CDKL1: variants seen among roughly 807,000 people sequenced by gnomAD.
CDKL1 encodes cyclin dependent kinase like 1.
CDKL1 carries 41 observed loss-of-function variants against 42.0 expected under a neutral mutation model. The observed-to-expected ratio is 0.98, with a 90% CI of 0.76 to 1.27. The LOEUF (loss-of-function observed/expected upper bound fraction) is 1.27, where lower values mean the gene tolerates loss of function less well. Among genes scored for constraint, CDKL1 ranks in the 50% most tolerant of loss-of-function variants. CDKL1 has a pLI of 0.00. For missense variants in CDKL1, 394 were observed against 428.4 expected, an observed-to-expected ratio of 0.92 and a Z score of 0.71; for synonymous variants, 153 against 158.6, an observed-to-expected ratio of 0.96 and a Z score of 0.26.
Position 50,327,268 on chromosome 14 carries a change from G to A in CDKL1, c.*2806C>T, listed in dbSNP as rs942215581. The A allele has an allele frequency of 2.0e-5, 3 of 150,920 alleles. No homozygotes were observed. The highest frequency in any genetic ancestry group is 4.0e-4 in the East Asian group (2 of 5,048). The allele number at this position is 150,920 out of a possible 1,614,324, so 9.3% of individuals were successfully genotyped here. ...GAGGATCAGTTGAGCCCGGGAAGTC[G>A]AGGCTGCAGTGAGCCATGTTGGCAC... On this transcript the variant is annotated 3_prime_UTR_variant, in exon 10 of 10. Coordinates refer to ENST00000395834, the MANE Select transcript of CDKL1 (RefSeq NM_004196.7).
Position 50,340,288 on chromosome 14 carries a change from T to A in CDKL1, c.655+744A>T, listed in dbSNP as rs11570844. 2.3e-3 allele frequency among the ~76,000 whole-genome samples: 354 copies of A among 152,304 alleles called. 1 individual carries two copies. The Middle Eastern group carries it at 0.065, about 28-fold the overall frequency. Reference sequence around the variant, plus strand: ...AGAAATATAAGACGTGGTCTCACCATCAGGAAGTTTACAGTATCTTTGGGA... The same window carrying A: ...AGAAATATAAGACGTGGTCTCACCAACAGGAAGTTTACAGTATCTTTGGGA... On this transcript the variant is annotated intron_variant, in intron 6 of 9. Transcript: ENST00000395834.
At chr14:50,350,044 G>A (rs2033853306) in intron 3 of CDKL1, among the ~76,000 whole-genome samples, 1 of 152,112 alleles carries the variant, frequency 6.6e-6, no homozygotes, top group South Asian at 2.1e-4. Flanking sequence ...CTCCCAAAGT[G>A]CTGGGATTAC....
rs1318122669 is a variant in CDKL1 at position 50,335,679 on chromosome 14, C to A, written c.739-1058G>T. Reference sequence around the variant, plus strand: ...GAAAATAAGAGCCAGCCAAGCTGAGCAAAATAAGTGACTGCAGTGCATTGT... The same window carrying A: ...GAAAATAAGAGCCAGCCAAGCTGAGAAAAATAAGTGACTGCAGTGCATTGT... On this transcript the variant is annotated intron_variant, in intron 7 of 9. Coordinates refer to ENST00000395834, the MANE Select transcript of CDKL1 (RefSeq NM_004196.7). 2.0e-6 allele frequency: 3 copies of A among 1,487,112 alleles called. No individual in the cohort carries two copies. In the African/African-American group the frequency reaches 4.2e-5, roughly 21 times the overall value. 92.1% of individuals were successfully genotyped at this position (1,487,112 alleles called of 1,614,324 possible).
chr14:50,362,205 G>A (rs1046434786), intron 2 of CDKL1: 24 of 256,958 alleles, frequency 9.3e-5, no homozygotes, highest in East Asian at 6.4e-4. Flanking sequence ...CTGCGCGGCC[G>A]AGCCTCCACG....
chr14:50,336,527 G>C (rs913843875), intron 7 of CDKL1, among the ~76,000 whole-genome samples: 1 of 152,178 alleles, frequency 6.6e-6, no homozygotes, highest in Non-Finnish European at 1.5e-5. Context: ...AGGAGGAAGA[G>C]GCAGTGGAGA....
chr14:50,385,461 T>C (rs566381939), intron 2 of CDKL1, among the ~76,000 whole-genome samples: 1 of 152,146 alleles, frequency 6.6e-6, no homozygotes, highest in South Asian at 2.1e-4. Flanking sequence ...AAAGATGAAA[T>C]AAGAGAATAA....
chr14:50,396,984 C>T (rs1484076534), upstream of CDKL1: 1 of 941,860 alleles, frequency 1.1e-6, no homozygotes, highest in African/African-American at 1.7e-5. Context: ...CCGGCCCGGC[C>T]CAGCCCGGCC....
At chr14:50,330,439 A>G (rs1595237433) in intron 9 of CDKL1, 1 of 360,076 alleles carries the variant, frequency 2.8e-6, no homozygotes, top group Non-Finnish European at 4.9e-6. Flanking sequence ...ACATGTTAAC[A>G]TTATTGGGAA....
At chr14:50,332,229 G>A in intron 9 of CDKL1, 33 bp downstream of exon 9, 1 of 1,614,190 alleles carries the variant, frequency 6.2e-7, no homozygotes, top group Non-Finnish European at 8.5e-7. Flanking sequence ...CTCTGTACCA[G>A]GTGGCAGGTA....
chr14:50,389,947 C>T (rs2035204989), intron 2 of CDKL1, among the ~76,000 whole-genome samples: 1 of 152,118 alleles, frequency 6.6e-6, no homozygotes, highest in Non-Finnish European at 1.5e-5. Flanking sequence ...ACCGGGAGGC[C>T]TTGGCAAATC....
chr14:50,355,907 G>C (rs1009715734), intron 3 of CDKL1, among the ~76,000 whole-genome samples: 1 of 152,208 alleles, frequency 6.6e-6, no homozygotes, highest in East Asian at 1.9e-4. Context: ...CAAACTGGTG[G>C]GGAGTGGGGT....
chr14:50,392,942 T>C (rs1309053099), intron 2 of CDKL1, among the ~76,000 whole-genome samples: 1 of 152,202 alleles, frequency 6.6e-6, no homozygotes, highest in Non-Finnish European at 1.5e-5. Flanking sequence ...TGTGCTCTTC[T>C]TTCAGAAGAA....
chr14:50,375,652 C>T (rs568538330), intron 2 of CDKL1, among the ~76,000 whole-genome samples: 1 of 152,242 alleles, frequency 6.6e-6, no homozygotes, highest in East Asian at 1.9e-4. Flanking sequence ...CAAAAATTAG[C>T]CGGGTGTGGT....
At chr14:50,378,469 C>T (rs757247042) in intron 2 of CDKL1, 3 of 1,355,278 alleles carry the variant, frequency 2.2e-6, no homozygotes, top group Non-Finnish European at 3.0e-6. Context: ...GAGAGCACTA[C>T]ACTGTCGCAT....
chr14:50,375,300 T>G (rs1416903138), intron 2 of CDKL1, among the ~76,000 whole-genome samples: 1 of 152,208 alleles, frequency 6.6e-6, no homozygotes, highest in African/African-American at 2.4e-5. Flanking sequence ...ACTGGATGAA[T>G]GAATAAACAA....
At chr14:50,333,317 A>C (rs1224785455) in intron 8 of CDKL1, 1 of 152,214 alleles carries the variant, frequency 6.6e-6, no homozygotes, top group Admixed American at 6.5e-5. Flanking sequence ...AAGCCGGCCA[A>C]AACCAAGATG....
intron 2 of CDKL1, among the ~76,000 whole-genome samples, chr14:50,370,527 C>T (rs2139486303): frequency 6.6e-6 from 1 of 152,350 alleles, no homozygotes; most frequent in South Asian, 2.1e-4. Flanking sequence ...TCTGTAACCA[C>T]CATTCTACTC....
intron 3 of CDKL1, chr14:50,357,259 G>A (rs561515057): frequency 5.9e-5 from 9 of 152,206 alleles, no homozygotes; most frequent in African/African-American, 1.7e-4. Context: ...AGTCTGTGCT[G>A]TGGTCACTAA....
chr14:50,338,402 A>T lies in CDKL1; in HGVS notation c.738+545T>A, dbSNP rs11570848. ...GCCACCATGCCTGGCTAATTTTTGT[A>T]ATTTTAGTAGAGACAGTGTTTCATC... On this transcript the variant is annotated intron_variant, in intron 7 of 9. Transcript: ENST00000395834. 3.2e-4 allele frequency among the ~76,000 whole-genome samples: 48 copies of T among 152,060 alleles called. No individual in the cohort carries two copies. In the East Asian group the frequency reaches 5.0e-3, roughly 16 times the overall value.
Sources: allele counts gnomAD v4.1 joint callset (sites outside exome capture counted in the v4.1 genomes callset), GRCh38; gene constraint gnomAD v4.1.1; transcripts MANE v1.5; gene names NCBI Gene and HGNC (gene_info 2026-07-23, HGNC 2026-07-21).